The following LMBR1L variants were observed in gnomAD, a reference collection of about 807,000 sequenced individuals.
The protein encoded by LMBR1L is protein LMBR1L.
A neutral mutation model predicts 67.3 loss-of-function variants in LMBR1L; 47 were observed. The observed-to-expected ratio is 0.70, with a 90% confidence interval of 0.55 to 0.89. The LOEUF is 0.89. Among genes scored for constraint, LMBR1L ranks in the 40% least tolerant of loss-of-function variants. The pLI, the probability that LMBR1L is intolerant of heterozygous loss-of-function variation, is 0.00. For synonymous variants in LMBR1L, 247 were observed against 250.3 expected, an observed-to-expected ratio of 0.99 and a Z score of 0.13; for missense variants, 533 against 599.2, an observed-to-expected ratio of 0.89 and a Z score of 1.15.
Position 49,097,957 on chromosome 12 carries a change from C to T in LMBR1L, c.1389G>A (p.Leu463=). The T allele has an allele frequency of 6.2e-7, 1 of 1,612,718 alleles. No individual in the cohort carries two copies. The highest frequency in any genetic ancestry group is 1.1e-5 in the South Asian group (1 of 91,056). The stretch of plus-strand genomic sequence containing the variant: ...ACTCCCTCTCACCAAAGGCCCGGAT[C>T]AGCTCTGCCCGCACAGCTGCAGTGA... The part of the protein sequence containing the change: ...KTFTAAVRAE[L]IRAFGLDRLP... The change falls in exon 16 of 17, where the codon CTG becomes CTA. Residue 463 remains leucine (L), a synonymous_variant. Transcript: ENST00000267102.
chr12:49,101,593 G>T, intron 11 of LMBR1L, 44 bp from the exon 12 acceptor site: 2 of 1,425,162 alleles, frequency 1.4e-6, no homozygotes, highest in Non-Finnish European at 2.0e-6. Context: ...CCAGACCACA[G>T]CTGGACCCAG....
chr12:49,107,435 T>C (rs926885265), intron 1 of LMBR1L, among the ~76,000 whole-genome samples: 1 of 152,210 alleles, frequency 6.6e-6, no homozygotes, highest in Non-Finnish European at 1.5e-5. Flanking sequence ...GAGCACATTA[T>C]TGGGAATGAA....
At chr12:49,107,145 A>G (rs1941010771) in intron 1 of LMBR1L, 100 bp from the exon 2 acceptor site, 1 of 753,868 alleles carries the variant, frequency 1.3e-6, no homozygotes, top group Non-Finnish European at 2.3e-6. Flanking sequence ...CTTCCTCAAG[A>G]TAAGGCTCCA....
intron 3 of LMBR1L, chr12:49,105,308 T>C (rs956374633): frequency 1.9e-4 from 38 of 197,108 alleles, no homozygotes; most frequent in Non-Finnish European, 3.3e-4. Context: ...CATATGGCTA[T>C]GCCCTGCACA....
intron 2 of LMBR1L, chr12:49,106,617 C>G: frequency 7.5e-7 from 1 of 1,336,178 alleles, no homozygotes; most frequent in Non-Finnish European, 9.9e-7. Context: ...GACACAGAGC[C>G]TGTGCCCGTA....
chr12:49,109,555 C>T (rs1211647720), intron 1 of LMBR1L, among the ~76,000 whole-genome samples: 1 of 152,224 alleles, frequency 6.6e-6, no homozygotes, highest in Non-Finnish European at 1.5e-5. Flanking sequence ...GATTCCCACA[C>T]TTACTAACAT....
At chr12:49,106,856 C>A in intron 2 of LMBR1L, 105 bp downstream of exon 2, 1 of 1,008,132 alleles carries the variant, frequency 9.9e-7, no homozygotes, top group Non-Finnish European at 1.6e-6. Context: ...CCAGAACAGC[C>A]CCACACAGCC....
At chr12:49,108,859 C>T (rs888756762) in intron 1 of LMBR1L, among the ~76,000 whole-genome samples, 3 of 152,128 alleles carry the variant, frequency 2.0e-5, no homozygotes, top group African/African-American at 7.2e-5. Context: ...AGGGCTGACC[C>T]CACAAGGAAA....
Position 49,107,027 on chromosome 12 carries a change from C to T in LMBR1L, c.91G>A (p.Ala31Thr), listed in dbSNP as rs1391117135. ...RECIISTLLF[A>T]TLYILCHIFL... The stretch of plus-strand genomic sequence containing the variant: ...ATGTGGCAGAGGATGTACAGTGTTG[C>T]AAACAGAAGTGTTGATATCTGTAGC... Residue 31 changes from alanine (A) to threonine (T), a missense_variant, in exon 2 of 17, where the codon GCA (alanine) becomes ACA (threonine). This residue lies in a region of LMBR1L where 246 missense variants were observed against 249.0 expected (regional missense o/e 0.99). Coordinates refer to ENST00000267102, the MANE Select transcript of LMBR1L (RefSeq NM_018113.4). 1 of 1,613,312 alleles carries T rather than the reference C, an allele frequency of 6.2e-7. No individual in the cohort carries two copies. Among genetic ancestry groups the T allele is most frequent in the East Asian group, 2.2e-5 (1 of 44,884 alleles).
rs148531038 is a variant in LMBR1L, at chr12:49,103,812, C to A, written c.437G>T (p.Gly146Val). 1 of 1,608,836 alleles carries A rather than the reference C, an allele frequency of 6.2e-7. No homozygotes were observed. The highest frequency in any genetic ancestry group is 8.5e-7 in the Non-Finnish European group (1 of 1,177,864). Residue 146 changes from glycine to valine, a missense_variant and splice_region_variant, in exon 6 of 17, where the codon GGT becomes GTT. Around this residue, in one of 3 missense-constraint regions of LMBR1L, gnomAD observed 246 missense variants for 249.0 expected, o/e 0.99. Coordinates refer to ENST00000267102, the MANE Select transcript of LMBR1L (RefSeq NM_018113.4). Reference protein sequence around the residue: ...ESEGFAGSRKGVLGRVYETVV... With the variant: ...ESEGFAGSRKVVLGRVYETVV... ...TGTCTCATAGACCCGGCCCAGGACACCCTACGGGAGGAGGCAACCAGTGAA... is the reference window on the plus strand; with the variant it reads ...TGTCTCATAGACCCGGCCCAGGACAACCTACGGGAGGAGGCAACCAGTGAA...
intron 12 of LMBR1L, 65 bp downstream of exon 12, chr12:49,101,407 T>C (rs1180815881): frequency 1.2e-6 from 2 of 1,604,552 alleles, no homozygotes; most frequent in Non-Finnish European, 1.7e-6. Context: ...CCTCAGCTTC[T>C]GCCTCCTCTC....
intron 8 of LMBR1L, 76 bp downstream of exon 8, chr12:49,102,810 AG>A (rs1468725113): frequency 2.2e-6 from 3 of 1,354,622 alleles, no homozygotes; most frequent in Non-Finnish European, 3.2e-6. Flanking sequence ...ACACAACCAT[AG>A]GGTTGTTTCA....
rs1237074402 is a variant in LMBR1L, at chr12:49,104,458, C to G, written c.425G>C (p.Gly142Ala). Reference sequence around the variant, plus strand: ...ATATCCCCTACTTACCTTTCTGGAGCCAGCAAAGCCCTCAGACTCAGTGAA... The same window carrying G: ...ATATCCCCTACTTACCTTTCTGGAGGCAGCAAAGCCCTCAGACTCAGTGAA... Reference protein sequence around the residue: ...YFFTESEGFAGSRKGVLGRVY... With the variant: ...YFFTESEGFAASRKGVLGRVY... Residue 142 changes from glycine (G) to alanine (A), a missense_variant, in exon 5 of 17, where the codon GGC (glycine) becomes GCC (alanine). Gly to Ala is a moderately conservative substitution (Grantham distance 60). This residue lies in a region of LMBR1L where 246 missense variants were observed against 249.0 expected (regional missense o/e 0.99). Transcript: ENST00000267102. 3 of 1,609,924 alleles carry G rather than the reference C, an allele frequency of 1.9e-6. No individual in the cohort carries two copies. Among genetic ancestry groups the G allele is most frequent in the Non-Finnish European group, 2.6e-6 (3 of 1,176,256 alleles).
chr12:49,102,161 G>A lies in LMBR1L; in HGVS notation c.889C>T (p.Leu297=). The stretch of plus-strand genomic sequence containing the variant: ...CACAGCATAGCCAGGGGGTAGCCCA[G>A]GTTCCGTTGCCAGGCTGAAGCCTTC... ...RRKASAWQRN[L]GYPLAMLCLL... is the part of the protein sequence containing the mutation. The change falls in exon 11 of 17, where the codon CTG becomes TTG. Residue 297 remains leucine, a synonymous_variant. Coordinates refer to ENST00000267102, the MANE Select transcript of LMBR1L (RefSeq NM_018113.4). The A allele has an allele frequency of 6.2e-7, 1 of 1,614,198 alleles. No homozygotes were observed. Among genetic ancestry groups the A allele is most frequent in the Non-Finnish European group, 8.5e-7 (1 of 1,180,034 alleles).
chr12:49,105,960 G>GT lies in LMBR1L; in HGVS notation c.158-4dup, dbSNP rs756021662. The GT allele has an allele frequency of 1.2e-6, 2 of 1,612,894 alleles. No homozygotes were observed. Among genetic ancestry groups the GT allele is most frequent in the East Asian group, 4.5e-5 (2 of 44,780 alleles). On this transcript the variant is annotated splice_region_variant and splice_polypyrimidine_tract_variant and intron_variant, in intron 2 of 16. Coordinates refer to ENST00000267102, the MANE Select transcript of LMBR1L (RefSeq NM_018113.4). The stretch of plus-strand genomic sequence containing the variant: ...GACGGTGGCATCTTCATCATCCACT[G>GT]TAAGAGACAGAGGCACGGGGAACAG...
chr12:49,097,234 C>T lies in LMBR1L; in HGVS notation c.*438G>A, dbSNP rs1336679642. Reference sequence around the variant, plus strand: ...CTTGGTCTTTCAGGTGGTCCAAAGCCCCTCCAGGATAGCACAGTGCTTAGG... The same window carrying T: ...CTTGGTCTTTCAGGTGGTCCAAAGCTCCTCCAGGATAGCACAGTGCTTAGG... On this transcript the variant is annotated 3_prime_UTR_variant, in exon 17 of 17. Transcript: ENST00000267102. 1 of 165,074 alleles carries T rather than the reference C, an allele frequency of 6.1e-6. No homozygotes were observed. Among genetic ancestry groups the T allele is most frequent in the Admixed American group, 5.9e-5 (1 of 16,986 alleles). 10.2% of individuals were successfully genotyped at this position (165,074 alleles called of 1,614,324 possible). A position where few individuals can be genotyped will look rare whatever the true frequency, so the allele number is the denominator to read the frequency against.
At chr12:49,110,219 G>A (rs902594531) in intron 1 of LMBR1L, 8 of 566,166 alleles carry the variant, frequency 1.4e-5, no homozygotes, top group African/African-American at 1.1e-4. Context: ...AAGACGCGCT[G>A]GGTGAGGGGT....
chr12:49,099,172 G>A (rs1939795626), intron 15 of LMBR1L, among the ~76,000 whole-genome samples: 1 of 146,940 alleles, frequency 6.8e-6, no homozygotes, highest in South Asian at 2.2e-4. Flanking sequence ...TGTCACCCAG[G>A]CTGGAGTGCA....
At chr12:49,101,683 C>T (rs1174012718) in intron 11 of LMBR1L, 134 bp from the exon 12 acceptor site, 2 of 638,812 alleles carry the variant, frequency 3.1e-6, no homozygotes, top group African/African-American at 3.7e-5. Context: ...TATATGGGAC[C>T]TCATCAAGGC....
Sources: allele counts gnomAD v4.1 joint callset (sites outside exome capture counted in the v4.1 genomes callset), GRCh38; gene constraint gnomAD v4.1.1; regional missense constraint gnomAD v4.1.1; transcripts MANE v1.5; gene names NCBI Gene and HGNC (gene_info 2026-07-23, HGNC 2026-07-21).